The following CATSPER3 variants were observed in gnomAD, a reference collection of about 807,000 sequenced individuals.
CATSPER3 encodes cation channel sperm-associated protein 3.
In CATSPER3, 23 loss-of-function variants were observed where a neutral mutation model predicts 36.6. That is an observed-to-expected ratio of 0.63 (90% CI 0.45 to 0.89). The LOEUF (loss-of-function observed/expected upper bound fraction) is 0.89. Among genes scored for constraint, CATSPER3 ranks in the 40% least tolerant of loss-of-function variants. The pLI, the probability that CATSPER3 is intolerant of heterozygous loss-of-function variation, is 0.00. For synonymous variants in CATSPER3, 172 were observed against 184.1 expected, an observed-to-expected ratio of 0.93 and a Z score of 0.53; for missense variants, 474 against 503.9, an observed-to-expected ratio of 0.94 and a Z score of 0.57.
intron 2 of CATSPER3, among the ~76,000 whole-genome samples, chr5:134,970,848 G>A (rs1397802139): frequency 2.6e-5 from 4 of 151,880 alleles, no homozygotes; most frequent in Non-Finnish European, 5.9e-5. Context: ...CTGGCATTAC[G>A]GGCATGAGCC....
intron 2 of CATSPER3, chr5:134,996,001 G>A (rs1218474947): frequency 9.4e-6 from 5 of 530,498 alleles, no homozygotes; most frequent in Non-Finnish European, 1.7e-5. Flanking sequence ...GTATGCTAGA[G>A]CTTATACAGT....
In CATSPER3 at chr5:134,996,404, C is replaced by T. The variant is rs1157146501; in HGVS notation, c.384C>T (p.Pro128=). The change falls in exon 3 of 8, where the codon CCC becomes CCT. Residue 128 remains proline, a synonymous_variant. Coordinates refer to ENST00000282611, the MANE Select transcript of CATSPER3 (RefSeq NM_178019.3). ...TCATTATCATCGTTATGTTTTTACCCTATGCCCTCCGCCAGCTCATGGGCA... is the reference window on the plus strand; with the variant it reads ...TCATTATCATCGTTATGTTTTTACCTTATGCCCTCCGCCAGCTCATGGGCA... ...DVIIIIVMFL[P]YALRQLMGKQ... is the part of the protein sequence containing the mutation. 1.2e-6 allele frequency: 2 copies of T among 1,614,232 alleles called. No homozygotes were observed. The highest frequency in any genetic ancestry group is 8.5e-7 in the Non-Finnish European group (1 of 1,180,028).
intron 3 of CATSPER3, 69 bp from the exon 4 acceptor site, chr5:135,007,888 G>A (rs1440891704): frequency 9.9e-6 from 13 of 1,307,500 alleles, no homozygotes; most frequent in Non-Finnish European, 1.1e-6. Context: ...TGGGCAGAAT[G>A]GACCTCTGTC....
intron 2 of CATSPER3, among the ~76,000 whole-genome samples, chr5:134,993,735 A>G (rs1427129454): frequency 1.3e-5 from 2 of 152,222 alleles, no homozygotes; most frequent in South Asian, 2.1e-4. Flanking sequence ...ATATCCTTTA[A>G]TGGCTATAAA....
intron 3 of CATSPER3, among the ~76,000 whole-genome samples, chr5:135,004,163 T>C (rs768506035): frequency 6.6e-6 from 1 of 152,256 alleles, no homozygotes; most frequent in African/African-American, 2.4e-5. Flanking sequence ...TAAATTTGAC[T>C]GTCAGCTTAG....
At chr5:135,009,571 G>T in intron 6 of CATSPER3, 81 bp downstream of exon 6, 1 of 1,491,696 alleles carries the variant, frequency 6.7e-7, no homozygotes. Context: ...AGGGGCCGTG[G>T]TGCCTGTGTA....
At chr5:134,983,499 A>C (rs1187923445) in intron 2 of CATSPER3, among the ~76,000 whole-genome samples, 1 of 152,204 alleles carries the variant, frequency 6.6e-6, no homozygotes, top group Non-Finnish European at 1.5e-5. Flanking sequence ...GCACCACTAC[A>C]CTGCAATCTG....
chr5:135,001,505 T>G (rs1439674493), intron 3 of CATSPER3, among the ~76,000 whole-genome samples: 1 of 152,228 alleles, frequency 6.6e-6, no homozygotes, highest in Admixed American at 6.5e-5. Context: ...TTGTTAACTT[T>G]CTGTCTCATT....
At chr5:134,999,967 G>A (rs1324021562) in intron 3 of CATSPER3, among the ~76,000 whole-genome samples, 4 of 152,172 alleles carry the variant, frequency 2.6e-5, no homozygotes, top group Non-Finnish European at 5.9e-5. Context: ...TGGTGAGAGA[G>A]GGCATCCCTG....
At chr5:135,009,127 C>T (rs1232478784) in intron 5 of CATSPER3, 146 bp downstream of exon 5, 1 of 1,134,404 alleles carries the variant, frequency 8.8e-7, no homozygotes, top group African/African-American at 1.5e-5. Context: ...CTGTCCCTCA[C>T]CCGGCCCAAC....
In CATSPER3 at chr5:134,983,489, G is replaced by A. The variant is rs571274229; in HGVS notation, c.253-12784G>A. 2.6e-5 allele frequency among the ~76,000 whole-genome samples: 4 copies of A among 152,216 alleles called. No homozygotes were observed. In the East Asian group the frequency reaches 7.7e-4, roughly 29 times the overall value. ...GCGGAGGTTGCAGTGAGCTGAAATT[G>A]CACCACTACACTGCAATCTGGGTGA... On this transcript the variant is annotated intron_variant, in intron 2 of 7. Coordinates refer to ENST00000282611, the MANE Select transcript of CATSPER3 (RefSeq NM_178019.3).
intron 2 of CATSPER3, among the ~76,000 whole-genome samples, chr5:134,989,461 C>G (rs1751853496): frequency 6.6e-6 from 1 of 152,244 alleles, no homozygotes; most frequent in Non-Finnish European, 1.5e-5. Context: ...CATCAATTCT[C>G]TTAGCTAGAT....
chr5:134,995,152 T>A (rs1164718642), intron 2 of CATSPER3, among the ~76,000 whole-genome samples: 1 of 152,200 alleles, frequency 6.6e-6, no homozygotes, highest in African/African-American at 2.4e-5. Context: ...AACATTTGAA[T>A]TATTCTCTTC....
chr5:134,995,304 G>GAA (rs1222439167), intron 2 of CATSPER3, among the ~76,000 whole-genome samples: 1 of 151,668 alleles, frequency 6.6e-6, no homozygotes, highest in East Asian at 1.9e-4. Flanking sequence ...CCTGGCCTCT[G>GAA]GTAACCACTA....
rs1752109917 is a variant in CATSPER3, at chr5:135,007,864, G to C, written c.493-93G>C. On this transcript the variant is annotated intron_variant, in intron 3 of 7. Transcript: ENST00000282611. Reference sequence around the variant, plus strand: ...TGCCAGGCATGGCAACAGTTGCTGGGGACAGCTGTGAACTGGGCAGAATGG... The same window carrying C: ...TGCCAGGCATGGCAACAGTTGCTGGCGACAGCTGTGAACTGGGCAGAATGG... 6 of 859,010 alleles carry C rather than the reference G, an allele frequency of 7.0e-6. No individual in the cohort carries two copies. In the Admixed American group the frequency reaches 1.1e-4, roughly 16 times the overall value. The allele number at this position is 859,010 out of a possible 1,614,324, so 53.2% of individuals were successfully genotyped here.
chr5:134,979,596 A>G (rs1481541537), intron 2 of CATSPER3, among the ~76,000 whole-genome samples: 4 of 152,212 alleles, frequency 2.6e-5, no homozygotes, highest in Admixed American at 6.5e-5. Flanking sequence ...TGAACAGTCT[A>G]TTGCTGCCTG....
chr5:134,987,761 C>CA (rs949739557), intron 2 of CATSPER3, among the ~76,000 whole-genome samples: 1 of 151,646 alleles, frequency 6.6e-6, no homozygotes, highest in Non-Finnish European at 1.5e-5. Flanking sequence ...TTTCATTATA[C>CA]AAAAAAAATT....
At chr5:134,972,645 A>G (rs532993332) in intron 2 of CATSPER3, among the ~76,000 whole-genome samples, 13 of 151,950 alleles carry the variant, frequency 8.6e-5, no homozygotes, top group African/African-American at 2.9e-4. Context: ...GAAGATGGGG[A>G]AAAAAAAATC....
At chr5:135,009,839 G>A (rs977283175) in intron 6 of CATSPER3, among the ~76,000 whole-genome samples, 1 of 152,250 alleles carries the variant, frequency 6.6e-6, no homozygotes, top group South Asian at 2.1e-4. Flanking sequence ...AGGCCACTGA[G>A]TGGACGAGGA....
Sources: gnomAD v4.1 joint callset for allele counts (sites outside exome capture counted in the v4.1 genomes callset) on GRCh38, gnomAD v4.1.1 for gene constraint, MANE v1.5 for transcripts, NCBI Gene and HGNC (gene_info 2026-07-23, HGNC 2026-07-21) for gene names.